Variants in RPS6KC1 observed in about 807,000 individuals in gnomAD.
The protein encoded by RPS6KC1 is inactive ribosomal protein S6 kinase delta-1.
RPS6KC1 carries 54 observed loss-of-function variants against 103.8 expected under a neutral mutation model. That is an observed-to-expected ratio of 0.52 (90% confidence interval 0.42 to 0.65). RPS6KC1 has a LOEUF of 0.65. Among genes scored for constraint, RPS6KC1 ranks in the 30% least tolerant of loss-of-function variants. The pLI, the probability that RPS6KC1 is intolerant of heterozygous loss-of-function variation, is 0.00. For missense variants in RPS6KC1, 1,151 were observed against 1,253.8 expected, an observed-to-expected ratio of 0.92 and a Z score of 1.24; for synonymous variants, 439 against 438.7, an observed-to-expected ratio of 1.00 and a Z score of -0.01.
chr1:213,235,055 C>T lies in RPS6KC1; in HGVS notation c.1225+2800C>T, dbSNP rs2094192392. Reference sequence around the variant, plus strand: ...CACCTCCGTAGATTAGGAAGTTGGCCTGTGTCATAGAAAAGTAACTTTTCA... The same window carrying T: ...CACCTCCGTAGATTAGGAAGTTGGCTTGTGTCATAGAAAAGTAACTTTTCA... On this transcript the variant is annotated intron_variant, in intron 10 of 14. Transcript: ENST00000366960. 2.0e-5 allele frequency among the ~76,000 whole-genome samples: 3 copies of T among 152,164 alleles called. No homozygotes were observed. In the South Asian group the frequency reaches 6.2e-4, roughly 32 times the overall value.
the RPS6KC1 span, among the ~76,000 whole-genome samples, chr1:213,722,075 A>T: frequency 6.6e-6 from 1 of 152,132 alleles, no homozygotes; most frequent in Non-Finnish European, 1.5e-5. Flanking sequence ...CAGGATTCAG[A>T]TGTGGAGCTA....
rs534310400 is a variant in RPS6KC1, at chr1:213,222,137, T to G, written c.1045-8360T>G. On this transcript the variant is annotated intron_variant, in intron 8 of 14. Coordinates refer to ENST00000366960, the MANE Select transcript of RPS6KC1 (RefSeq NM_012424.6). ...CAACATATTTTGCTTTTGGAGTTAC[T>G]GAGCAGTGGGTACAGGGAACATTGC... Among the ~76,000 whole-genome samples the G allele has an allele frequency of 3.7e-3, 563 of 152,342 alleles. 2 individuals are homozygous for G. The highest frequency in any genetic ancestry group is 0.013 in the African/African-American group (544 of 41,578).
rs765462916 is a variant in RPS6KC1 at position 213,232,274 on chromosome 1, T to C, written c.1225+19T>C. On this transcript the variant is annotated intron_variant, in intron 10 of 14. Transcript: ENST00000366960. ...GCGGAAGGTTGGTTTGTAGTTTGGATTGTTTATGCAGTGAAGAATGTCACC... is the reference window on the plus strand; with the variant it reads ...GCGGAAGGTTGGTTTGTAGTTTGGACTGTTTATGCAGTGAAGAATGTCACC... The C allele has an allele frequency of 2.5e-6, 4 of 1,613,672 alleles. No homozygotes were observed. In the African/African-American group the frequency reaches 5.3e-5, roughly 22 times the overall value.
At chr1:213,603,899 A>T in the RPS6KC1 span, among the ~76,000 whole-genome samples, 2 of 151,986 alleles carry the variant, frequency 1.3e-5, no homozygotes, top group Non-Finnish European at 2.9e-5. Context: ...AAGAAAAAAA[A>T]ATTTTTTCTG....
the RPS6KC1 span, among the ~76,000 whole-genome samples, chr1:213,606,934 A>G: frequency 6.6e-6 from 1 of 152,246 alleles, no homozygotes; most frequent in African/African-American, 2.4e-5. Flanking sequence ...TCAGTAAGCA[A>G]CAATGAGAGT....
the RPS6KC1 span, among the ~76,000 whole-genome samples, chr1:213,488,561 A>G: frequency 1.3e-5 from 2 of 152,202 alleles, no homozygotes; most frequent in Non-Finnish European, 2.9e-5. Flanking sequence ...GGACTTTCAC[A>G]AGAAAATAAA....
the RPS6KC1 span, among the ~76,000 whole-genome samples, chr1:213,581,801 G>T: frequency 6.6e-6 from 1 of 152,016 alleles, no homozygotes; most frequent in African/African-American, 2.4e-5. Flanking sequence ...TTTTGCATTC[G>T]CTGGTATTAT....
At chr1:213,367,168 T>C in the RPS6KC1 span, among the ~76,000 whole-genome samples, 1 of 152,352 alleles carries the variant, frequency 6.6e-6, no homozygotes, top group African/African-American at 2.4e-5. Context: ...CTAACTAATA[T>C]AGAGTAGGAT....
the RPS6KC1 span, among the ~76,000 whole-genome samples, chr1:213,378,081 C>T: frequency 6.6e-6 from 1 of 152,328 alleles, no homozygotes; most frequent in East Asian, 1.9e-4. Context: ...CACCCAGCAA[C>T]CTTGCTTAAT....
At chr1:213,848,984 T>A in the RPS6KC1 span, among the ~76,000 whole-genome samples, 1 of 152,110 alleles carries the variant, frequency 6.6e-6, no homozygotes, top group Non-Finnish European at 1.5e-5. Context: ...ATGTCATTAC[T>A]GGGCTGGCCA....
At chr1:213,800,263 C>T in the RPS6KC1 span, among the ~76,000 whole-genome samples, 2 of 152,084 alleles carry the variant, frequency 1.3e-5, no homozygotes, top group Non-Finnish European at 2.9e-5. Flanking sequence ...TGATGGTGTT[C>T]GAGAAGAGGC....
chr1:213,741,270 T>G, the RPS6KC1 span, among the ~76,000 whole-genome samples: 1 of 151,980 alleles, frequency 6.6e-6, no homozygotes, highest in Non-Finnish European at 1.5e-5. Context: ...TTTTAAAATC[T>G]AATCTTTAAG....
At chr1:213,225,789 A>G (rs1444418840) in intron 8 of RPS6KC1, among the ~76,000 whole-genome samples, 3 of 152,206 alleles carry the variant, frequency 2.0e-5, no homozygotes, top group African/African-American at 7.2e-5. Context: ...TGTTGAGTCA[A>G]TTAAGGGGCT....
At chr1:213,770,058 G>T in the RPS6KC1 span, among the ~76,000 whole-genome samples, 1 of 152,110 alleles carries the variant, frequency 6.6e-6, no homozygotes, top group Non-Finnish European at 1.5e-5. Flanking sequence ...CTGCTTGCCC[G>T]GCCACAACCA....
chr1:213,067,868 A>T (rs1398629360), intron 1 of RPS6KC1, among the ~76,000 whole-genome samples: 1 of 152,244 alleles, frequency 6.6e-6, no homozygotes, highest in Non-Finnish European at 1.5e-5. Context: ...TTGTTTATGC[A>T]GTACACATGT....
chr1:213,410,547 T>G, the RPS6KC1 span, among the ~76,000 whole-genome samples: 1 of 151,824 alleles, frequency 6.6e-6, no homozygotes, highest in African/African-American at 2.4e-5. Flanking sequence ...AGGGAGGACT[T>G]GGTGGAAGGA....
intron 3 of RPS6KC1, among the ~76,000 whole-genome samples, chr1:213,096,965 A>G (rs1047143918): frequency 3.9e-5 from 6 of 152,224 alleles, no homozygotes; most frequent in African/African-American, 1.4e-4. Flanking sequence ...GGACTGTAGA[A>G]TTGATGTTGT....
chr1:213,538,369 A>T, the RPS6KC1 span, among the ~76,000 whole-genome samples: 1 of 152,200 alleles, frequency 6.6e-6, no homozygotes, highest in South Asian at 2.1e-4. Flanking sequence ...TAGGTAGTAC[A>T]GAATCAGAGC....
At chr1:213,113,285 G>T (rs536496548) in intron 4 of RPS6KC1, among the ~76,000 whole-genome samples, 3,073 of 151,916 alleles carry the variant, frequency 0.02, 104 homozygotes, top group African/African-American at 0.069. Flanking sequence ...TCTCATTGTG[G>T]TTTTGATTTG....
Sources: allele counts gnomAD v4.1 joint callset (sites outside exome capture counted in the v4.1 genomes callset), GRCh38; gene constraint gnomAD v4.1.1; transcripts MANE v1.5; gene names NCBI Gene and HGNC (gene_info 2026-07-23, HGNC 2026-07-21).